MTHFD2: variants seen among roughly 807,000 people sequenced by gnomAD.
MTHFD2 encodes the protein methylenetetrahydrofolate dehydrogenase (NADP+ dependent) 2, methenyltetrahydrofolate cyclohydrolase, also known as bifunctional methylenetetrahydrofolate dehydrogenase/cyclohydrolase, mitochondrial.
MTHFD2 carries 26 observed loss-of-function variants against 36.8 expected under a neutral mutation model. The observed-to-expected ratio is 0.71, with a 90% CI of 0.52 to 0.98. The LOEUF (loss-of-function observed/expected upper bound fraction) is 0.98, where lower values mean the gene tolerates loss of function less well. Ranked by LOEUF, MTHFD2 falls within the 50% of genes least tolerant of loss-of-function variation. The pLI, the probability that MTHFD2 is intolerant of heterozygous loss-of-function variation, is 0.00. For missense variants in MTHFD2, 373 were observed against 434.0 expected, an observed-to-expected ratio of 0.86 and a Z score of 1.25; for synonymous variants, 164 against 155.2, an observed-to-expected ratio of 1.06 and a Z score of -0.42.
intron 1 of MTHFD2, among the ~76,000 whole-genome samples, chr2:74,203,504 G>A (rs1413163472): frequency 1.3e-5 from 2 of 152,122 alleles, no homozygotes; most frequent in Admixed American, 6.5e-5. Flanking sequence ...GTTACTGGCC[G>A]GGTGCAGTGG....
intron 2 of MTHFD2, among the ~76,000 whole-genome samples, chr2:74,206,921 TG>T (rs1213833579): frequency 1.3e-5 from 2 of 152,112 alleles, no homozygotes; most frequent in African/African-American, 4.8e-5. Flanking sequence ...TTGGTCAGGC[TG>T]GTGTCGAACT....
At position 74,217,416 on chromosome 2, in the gene MTHFD2, G is replaced by GTT; in HGVS notation, c.*3177_*3178dup. 1 of 152,284 alleles carries GTT rather than the reference G, an allele frequency of 6.6e-6. No homozygotes were observed. Among genetic ancestry groups the GTT allele is most frequent in the South Asian group, 2.1e-4 (1 of 4,822 alleles). The allele number at this position is 152,284 out of a possible 1,614,324, so 9.4% of individuals were successfully genotyped here. On this transcript the variant is annotated 3_prime_UTR_variant, in exon 8 of 8. Transcript: ENST00000394053. ...AAACTGGTTTTTATCTTCCCAAATA[G>GTT]TTTTCAATCATTCCTTTAAAGTACT...
rs776031065 is a variant in MTHFD2, at chr2:74,214,127, GC to G, written c.942del (p.Met315Ter). 6.2e-7 allele frequency: 1 copy of G among 1,614,066 alleles called. No individual in the cohort carries two copies. Among genetic ancestry groups the G allele is most frequent in the South Asian group, 1.1e-5 (1 of 91,084 alleles). ...ATCACTCCAGTTCCTGGAGGTGTTG[GC>G]CCCATGACAGTGGCAATGCTAATGA... ...GYITPVPGGV[G>X]PMTVAMLMKN... On this transcript the variant is annotated frameshift_variant, in exon 8 of 8. Coordinates refer to ENST00000394053, the MANE Select transcript of MTHFD2 (RefSeq NM_006636.4). LOFTEE classifies it high-confidence loss of function.
intron 1 of MTHFD2, among the ~76,000 whole-genome samples, chr2:74,200,516 G>A (rs1400453706): frequency 2.0e-5 from 3 of 148,484 alleles, no homozygotes; most frequent in Admixed American, 1.3e-4. Flanking sequence ...TTAAAAAGTT[G>A]TATCCTTTTA....
At position 74,211,780 on chromosome 2, in the gene MTHFD2, G is replaced by A. The variant is rs1402818977; in HGVS notation, c.803G>A (p.Gly268Glu). Residue 268 changes from glycine to glutamate, a missense_variant, in exon 7 of 8, where the codon GGA (glycine) becomes GAA (glutamate). Gly to Glu is a moderately conservative substitution (Grantham distance 98). Around this residue, in one of 2 missense-constraint regions of MTHFD2, gnomAD observed 308 missense variants for 397.8 expected, o/e 0.77. Transcript: ENST00000394053. ...ATCACAGCAGATATGATCAAGGAAGGAGCAGCAGTCATTGATGTGGGAATA... is the reference window on the plus strand; with the variant it reads ...ATCACAGCAGATATGATCAAGGAAGAAGCAGCAGTCATTGATGTGGGAATA... Reference protein sequence around the residue: ...NLITADMIKEGAAVIDVGINR... With the variant: ...NLITADMIKEEAAVIDVGINR... 2.5e-6 allele frequency: 4 copies of A among 1,611,748 alleles called. No homozygotes were observed. Among genetic ancestry groups the A allele is most frequent in the Non-Finnish European group, 3.4e-6 (4 of 1,179,588 alleles).
intron 7 of MTHFD2, among the ~76,000 whole-genome samples, 191 bp downstream of exon 7, chr2:74,212,057 C>G (rs1272471448): frequency 7.1e-6 from 1 of 140,118 alleles, no homozygotes; most frequent in African/African-American, 2.7e-5. Context: ...TCAAGCTATT[C>G]TTCTGCCTCA....
chr2:74,210,673 A>T (rs191407191), intron 5 of MTHFD2, among the ~76,000 whole-genome samples: 193 of 152,380 alleles, frequency 1.3e-3, no homozygotes, highest in African/African-American at 4.4e-3. Context: ...TATATGACTC[A>T]AAACAGTCGA....
At chr2:74,204,789 G>A (rs72919282) in intron 1 of MTHFD2, among the ~76,000 whole-genome samples, 14,201 of 152,126 alleles carry the variant, frequency 0.093, 1,327 homozygotes, top group African/African-American at 0.24. Flanking sequence ...GGGGAGTGGT[G>A]GTCATTTTGA....
intron 7 of MTHFD2, among the ~76,000 whole-genome samples, chr2:74,213,201 G>A (rs561586239): frequency 1.3e-5 from 2 of 151,040 alleles, no homozygotes; most frequent in South Asian, 4.2e-4. Context: ...ACTGCACCTG[G>A]CCTCTCCTTT....
In MTHFD2 at chr2:74,204,061, G is replaced by A. The variant is rs551009103; in HGVS notation, c.102-1644G>A. Among the ~76,000 whole-genome samples, 11 of 151,806 alleles carry A rather than the reference G, an allele frequency of 7.2e-5. No homozygotes were observed. In the East Asian group the frequency reaches 7.7e-4, roughly 11 times the overall value. ...CCTGAGTAGCTGGGATTATAGGCGC[G>A]CACCACCATGCCTGGCTAATTTTTG... On this transcript the variant is annotated intron_variant, in intron 1 of 7. Transcript: ENST00000394053.
At chr2:74,205,464 T>C (rs1448799276) in intron 1 of MTHFD2, among the ~76,000 whole-genome samples, 2 of 152,128 alleles carry the variant, frequency 1.3e-5, no homozygotes, top group Non-Finnish European at 2.9e-5. Flanking sequence ...TAATGATTTC[T>C]ATCAACTTTA....
intron 1 of MTHFD2, 39 bp downstream of exon 1, chr2:74,198,781 A>AG: frequency 6.5e-7 from 1 of 1,531,594 alleles, no homozygotes; most frequent in Non-Finnish European, 8.8e-7. Flanking sequence ...CGGAAAGCTG[A>AG]GGGGAACGGA....
chr2:74,208,569 A>G lies in MTHFD2; in HGVS notation c.410A>G (p.Glu137Gly). Residue 137 changes from glutamate to glycine, a missense_variant and splice_region_variant, in exon 4 of 8, where the codon GAG (glutamate) becomes GGG (glycine). Glu to Gly is a moderately conservative substitution (Grantham distance 98, BLOSUM62 -2). This residue lies in a region of MTHFD2 where 308 missense variants were observed against 397.8 expected (regional missense o/e 0.77). Coordinates refer to ENST00000394053, the MANE Select transcript of MTHFD2 (RefSeq NM_006636.4). ...DGLLVQLPLP[E>G]HIDERRICNA... ...GCAACTGTGCCAATTTCTTTTTCAG[A>G]GCATATTGATGAGAGAAGGATCTGC... The G allele has an allele frequency of 6.2e-7, 1 of 1,613,624 alleles. No individual in the cohort carries two copies. The highest frequency in any genetic ancestry group is 8.5e-7 in the Non-Finnish European group (1 of 1,179,734).
intron 2 of MTHFD2, chr2:74,206,153 G>C: frequency 3.4e-6 from 1 of 296,056 alleles, no homozygotes; most frequent in African/African-American, 2.1e-5. Context: ...CTTTATATTT[G>C]ATAGGTGACC....
intron 4 of MTHFD2, among the ~76,000 whole-genome samples, chr2:74,209,452 C>T (rs188226831): frequency 5.9e-5 from 9 of 151,900 alleles, no homozygotes; most frequent in Admixed American, 5.3e-4. Flanking sequence ...GGGGTTTCAC[C>T]GTGTTAGCCA....
Position 74,198,646 on chromosome 2 carries a change from C to G in MTHFD2, c.5C>G (p.Ala2Gly). M[A>G]ATSLMSALAA... Reference sequence around the variant, plus strand: ...GCGCAGTCACCGGCGCGGTCTATGGCTGCGACTTCTCTAATGTCTGCTTTG... The same window carrying G: ...GCGCAGTCACCGGCGCGGTCTATGGGTGCGACTTCTCTAATGTCTGCTTTG... The change falls in exon 1 of 8, where the codon GCT becomes GGT. Residue 2 changes from alanine to glycine, a missense_variant. This residue lies in a region of MTHFD2 where 65 missense variants were observed against 36.1 expected (regional missense o/e 1.80). Coordinates refer to ENST00000394053, the MANE Select transcript of MTHFD2 (RefSeq NM_006636.4). 6.2e-7 allele frequency: 1 copy of G among 1,608,566 alleles called. No individual in the cohort carries two copies. The highest frequency in any genetic ancestry group is 1.1e-5 in the South Asian group (1 of 90,456).
chr2:74,213,991 T>C, intron 7 of MTHFD2, 88 bp from the exon 8 acceptor site: 1 of 1,417,670 alleles, frequency 7.1e-7, no homozygotes, highest in Non-Finnish European at 9.5e-7. Context: ...TGTTACTTTT[T>C]CCTTGCATGC....
In MTHFD2 at chr2:74,216,358, A is replaced by G. The variant is rs1304617225; in HGVS notation, c.*2116A>G. The G allele has an allele frequency of 6.6e-6, 1 of 152,230 alleles. No homozygotes were observed. Among genetic ancestry groups the G allele is most frequent in the Non-Finnish European group, 1.5e-5 (1 of 68,044 alleles). 9.4% of individuals were successfully genotyped at this position (152,230 alleles called of 1,614,324 possible). On this transcript the variant is annotated 3_prime_UTR_variant, in exon 8 of 8. Transcript: ENST00000394053. ...AAAAGCTATGGAAATTAAAATGTTC[A>G]TGTATATACAAAATATAAATGACAT...
At chr2:74,207,882 C>G (rs1049883489) in intron 3 of MTHFD2, 56 bp downstream of exon 3, 5 of 1,498,130 alleles carry the variant, frequency 3.3e-6, no homozygotes, top group Non-Finnish European at 4.6e-6. Context: ...CTTTCCCTCT[C>G]CCTCCCTCTC....
Sources: gnomAD v4.1 joint callset for allele counts (sites outside exome capture counted in the v4.1 genomes callset) on GRCh38, gnomAD v4.1.1 for gene constraint, gnomAD v4.1.1 regional missense constraint, MANE v1.5 for transcripts, NCBI Gene and HGNC (gene_info 2026-07-23, HGNC 2026-07-21) for gene names.